Variants in SDK1 observed in about 807,000 individuals in gnomAD.
The protein encoded by SDK1 is protein sidekick-1.
SDK1 carries 157 observed loss-of-function variants against 245.5 expected under a neutral mutation model. The ratio of observed to expected loss-of-function variants is 0.64; its 90% CI spans 0.56 to 0.73. The LOEUF (loss-of-function observed/expected upper bound fraction) is 0.73. Ranked by LOEUF, SDK1 falls within the 30% of genes least tolerant of loss-of-function variation. The probability of loss-of-function intolerance (pLI) is 0.00; values close to 1 mark genes in which losing one functional copy is unlikely to be tolerated. For synonymous variants in SDK1, 1,647 were observed against 1,278.5 expected, an observed-to-expected ratio of 1.29 and a Z score of -6.15; for missense variants, 3,583 against 3,002.3, an observed-to-expected ratio of 1.19 and a Z score of -4.52.
Position 4,051,758 on chromosome 7 carries a change from TCCGTTCTGTGCTTCACCA to T in SDK1, c.2842_2859del (p.Val948_Thr953del). On this transcript the variant is annotated inframe_deletion, in exon 19 of 45. Transcript: ENST00000404826. ...GAAGAAGTTTACCGCCTACTTCACT[TCCGTTCTGTGCTTCACCA>T]CCCCTGGGGACGGGCCTCCCAGCAC... 6.2e-7 allele frequency: 1 copy of T among 1,614,022 alleles called. No homozygotes were observed. The highest frequency in any genetic ancestry group is 8.5e-7 in the Non-Finnish European group (1 of 1,179,970).
intron 44 of SDK1, among the ~76,000 whole-genome samples, chr7:4,256,582 G>T (rs910021846): frequency 1.3e-5 from 2 of 152,234 alleles, no homozygotes; most frequent in African/African-American, 4.8e-5. Context: ...GAGGGTTTAA[G>T]ACGTTTATCC....
intron 7 of SDK1, among the ~76,000 whole-genome samples, chr7:3,954,656 C>T (rs868339877): frequency 3.5e-5 from 5 of 143,732 alleles, no homozygotes; most frequent in South Asian, 2.4e-4. Flanking sequence ...CCTCCGCTTC[C>T]GTCCCACCTC....
At chr7:3,558,763 A>C (rs17133548) in intron 1 of SDK1, among the ~76,000 whole-genome samples, 16,848 of 152,296 alleles carry the variant, frequency 0.11, 1,390 homozygotes, top group African/African-American at 0.22. Context: ...TTAATTGTTC[A>C]GTTTTTTAAT....
intron 20 of SDK1, among the ~76,000 whole-genome samples, chr7:4,070,499 C>T (rs981429940): frequency 1.3e-5 from 2 of 152,168 alleles, no homozygotes; most frequent in Non-Finnish European, 2.9e-5. Flanking sequence ...ACTGCAGCAT[C>T]CCAGGTGCCC....
chr7:4,104,497 A>G (rs193115953), intron 22 of SDK1, among the ~76,000 whole-genome samples: 2 of 152,364 alleles, frequency 1.3e-5, no homozygotes, highest in East Asian at 3.9e-4. Flanking sequence ...TTGCAAAGCC[A>G]GAGGTCACGG....
chr7:4,176,481 T>G (rs1275019395), intron 34 of SDK1, among the ~76,000 whole-genome samples: 1 of 152,190 alleles, frequency 6.6e-6, no homozygotes, highest in Non-Finnish European at 1.5e-5. Flanking sequence ...TCTTTTTTTA[T>G]TGTGGTAAAA....
chr7:4,241,094 G>A (rs1053528558), intron 42 of SDK1, among the ~76,000 whole-genome samples: 1 of 152,172 alleles, frequency 6.6e-6, no homozygotes, highest in African/African-American at 2.4e-5. Context: ...TTTAGAATGT[G>A]TTTTGCTATG....
chr7:3,413,889 C>G (rs1053995432), intron 1 of SDK1, among the ~76,000 whole-genome samples: 1 of 152,112 alleles, frequency 6.6e-6, no homozygotes, highest in Admixed American at 6.5e-5. Context: ...GGGAGGATTG[C>G]TTGAGCCCAG....
rs142873795 is a variant in SDK1 at position 3,892,941 on chromosome 7, G to A, written c.848-57982G>A. On this transcript the variant is annotated intron_variant, in intron 5 of 44. Coordinates refer to ENST00000404826, the MANE Select transcript of SDK1 (RefSeq NM_152744.4). ...GGATGCCGTTCTGATCTCTGCCAGCGCACTTCACATGGCAGGGAACAGGCT... is the reference window on the plus strand; with the variant it reads ...GGATGCCGTTCTGATCTCTGCCAGCACACTTCACATGGCAGGGAACAGGCT... Among the ~76,000 whole-genome samples, 170 of 152,266 alleles carry A rather than the reference G, an allele frequency of 1.1e-3. 1 individual carries two copies. Among genetic ancestry groups the A allele is most frequent in the African/African-American group, 3.9e-3 (163 of 41,566 alleles).
At position 4,175,834 on chromosome 7, in the gene SDK1, C is replaced by G. The variant is rs368381587; in HGVS notation, c.4996C>G (p.His1666Asp). The G allele has an allele frequency of 2.5e-6, 4 of 1,612,694 alleles. No homozygotes were observed. The African/African-American group carries it at 4.0e-5, about 16-fold the overall frequency. ...SSTSTMCELT[H>D]LKKYRRYEVI... ...CACATCGACGATGTGTGAACTAACA[C>G]GTAAGTGCGCTCTCAGCGGGAGGCC... is the stretch of plus-strand genomic sequence containing the variant. Residue 1666 changes from histidine to aspartate, a missense_variant and splice_region_variant, in exon 34 of 45, where the codon CAT becomes GAT. Coordinates refer to ENST00000404826, the MANE Select transcript of SDK1 (RefSeq NM_152744.4).
Position 4,236,133 on chromosome 7 carries a change from A to C in SDK1, c.5993-1514A>C, listed in dbSNP as rs1163825685. Among the ~76,000 whole-genome samples the C allele has an allele frequency of 2.0e-5, 3 of 152,006 alleles. No individual in the cohort carries two copies. The East Asian group carries it at 5.8e-4, about 29-fold the overall frequency. On this transcript the variant is annotated intron_variant, in intron 41 of 44. Transcript: ENST00000404826. ...GGTGTGCACACATCCCCTATTCGTGAGATATAGGATAGAAGCTTCGGGTGG... is the reference window on the plus strand; with the variant it reads ...GGTGTGCACACATCCCCTATTCGTGCGATATAGGATAGAAGCTTCGGGTGG...
intron 5 of SDK1, among the ~76,000 whole-genome samples, chr7:3,926,811 A>G (rs942854858): frequency 1.3e-4 from 20 of 152,252 alleles, no homozygotes; most frequent in African/African-American, 4.6e-4. Flanking sequence ...GTTCAGGCTC[A>G]ACCACTTAGC....
chr7:3,702,990 A>G (rs771376484), intron 4 of SDK1, among the ~76,000 whole-genome samples: 1 of 151,790 alleles, frequency 6.6e-6, no homozygotes, highest in African/African-American at 2.4e-5. Context: ...TGGTGGAGAT[A>G]TAAATTGGTG....
At chr7:3,744,097 C>A (rs1779549559) in intron 4 of SDK1, among the ~76,000 whole-genome samples, 1 of 152,086 alleles carries the variant, frequency 6.6e-6, no homozygotes, top group Non-Finnish European at 1.5e-5. Context: ...TTGTTCCTGC[C>A]TCAGGATCCT....
chr7:3,915,036 G>A (rs1015263416), intron 5 of SDK1, among the ~76,000 whole-genome samples: 4 of 152,118 alleles, frequency 2.6e-5, no homozygotes, highest in Admixed American at 6.5e-5. Flanking sequence ...CATTTCTCCC[G>A]GAAATCCCAC....
rs115694104 is a variant in SDK1, at chr7:3,611,447, C to G, written c.299-7633C>G. On this transcript the variant is annotated intron_variant, in intron 1 of 44. Coordinates refer to ENST00000404826, the MANE Select transcript of SDK1 (RefSeq NM_152744.4). ...CTTGGGTGGTGACAAAAAGGGCAGCCTGAACTGCCCTGTCCTCACTGCCTT... is the reference window on the plus strand; with the variant it reads ...CTTGGGTGGTGACAAAAAGGGCAGCGTGAACTGCCCTGTCCTCACTGCCTT... Among the ~76,000 whole-genome samples, 1,330 of 152,302 alleles carry G rather than the reference C, an allele frequency of 8.7e-3. 21 individuals are homozygous for G. Among genetic ancestry groups the G allele is most frequent in the African/African-American group, 0.03 (1,256 of 41,544 alleles).
chr7:4,229,650 C>T (rs1309917146), intron 40 of SDK1, among the ~76,000 whole-genome samples: 1 of 152,094 alleles, frequency 6.6e-6, no homozygotes, highest in Non-Finnish European at 1.5e-5. Context: ...AGAATCCACT[C>T]CGGAGGTGTT....
In SDK1 at chr7:4,113,364, G is replaced by C. The variant is rs760644704; in HGVS notation, c.3510G>C (p.Gln1170His). 5.6e-6 allele frequency: 9 copies of C among 1,613,802 alleles called. No homozygotes were observed. The highest frequency in any genetic ancestry group is 7.6e-6 in the Non-Finnish European group (9 of 1,180,038). The change falls in exon 24 of 45, where the codon CAG becomes CAC. Residue 1170 changes from glutamine (Q) to histidine (H), a missense_variant. Coordinates refer to ENST00000404826, the MANE Select transcript of SDK1 (RefSeq NM_152744.4). ...SPSSRVIQTL[Q>H]APPDVAPTSV... ...CTTCCCGGGTCATCCAGACCCTGCA[G>C]GCCCCACCCGACGTGGCTCCAACCA... is the stretch of plus-strand genomic sequence containing the variant.
chr7:3,615,445 C>G lies in SDK1; in HGVS notation c.299-3635C>G, dbSNP rs1176439789. 2.0e-5 allele frequency among the ~76,000 whole-genome samples: 3 copies of G among 151,726 alleles called. 1 individual carries two copies. Among genetic ancestry groups the G allele is most frequent in the Non-Finnish European group, 4.4e-5 (3 of 67,828 alleles). On this transcript the variant is annotated intron_variant, in intron 1 of 44. Coordinates refer to ENST00000404826, the MANE Select transcript of SDK1 (RefSeq NM_152744.4). The stretch of plus-strand genomic sequence containing the variant: ...GCAGAAGCAGGCAGAACTCTTGGAA[C>G]AGGACAAGGCTCGACAACTCCTGAC...
Sources: allele counts gnomAD v4.1 joint callset (sites outside exome capture counted in the v4.1 genomes callset), GRCh38; gene constraint gnomAD v4.1.1; transcripts MANE v1.5; gene names NCBI Gene and HGNC (gene_info 2026-07-23, HGNC 2026-07-21).